Variants in CSMD1 observed in about 807,000 individuals in gnomAD.
CSMD1 encodes CUB and sushi domain-containing protein 1.
Under a neutral mutation model 417.5 loss-of-function variants are expected in CSMD1, and 213 were observed. The observed-to-expected ratio is 0.51, with a 90% CI of 0.46 to 0.57. CSMD1 has a LOEUF of 0.57. Among genes scored for constraint, CSMD1 ranks in the 20% least tolerant of loss-of-function variants. CSMD1 has a pLI of 0.00. For synonymous variants in CSMD1, 2,862 were observed against 1,736.8 expected (o/e 1.65, Z -16.11); for missense variants, 6,923 against 4,529.7 (o/e 1.53, Z -15.17).
At chr8:4,750,224 G>C (rs1811224673) in intron 1 of CSMD1, among the ~76,000 whole-genome samples, 1 of 151,478 alleles carries the variant, frequency 6.6e-6, no homozygotes, top group African/African-American at 2.4e-5. Context: ...AGCCACGATG[G>C]TCTCGATCTC....
chr8:3,519,066 G>C (rs1013666486), intron 10 of CSMD1, among the ~76,000 whole-genome samples: 1 of 152,146 alleles, frequency 6.6e-6, no homozygotes, highest in Non-Finnish European at 1.5e-5. Flanking sequence ...CTTAAAACCA[G>C]AGTTAAGGAA....
chr8:4,006,193 C>A (rs1585119444), intron 4 of CSMD1, among the ~76,000 whole-genome samples: 1 of 152,226 alleles, frequency 6.6e-6, no homozygotes, highest in Middle Eastern at 3.4e-3. Context: ...CATTCTCATG[C>A]AGTTGCTGAG....
chr8:3,471,486 T>G (rs1440452212), intron 11 of CSMD1, among the ~76,000 whole-genome samples: 1 of 95,528 alleles, frequency 1.0e-5, no homozygotes, highest in Non-Finnish European at 2.7e-5. Context: ...GCTTAGTTCC[T>G]TCCTTCTTTC....
chr8:4,413,363 C>T lies in CSMD1; in HGVS notation c.415+6590G>A, dbSNP rs150824008. ...CAATTCTATCATTCATTCTTTTATC[C>T]GACACATTAGAAGTCACAGGTAGCA... On this transcript the variant is annotated intron_variant, in intron 3 of 69. Coordinates refer to ENST00000635120, the MANE Select transcript of CSMD1 (RefSeq NM_033225.6). Among the ~76,000 whole-genome samples, 46 of 152,196 alleles carry T rather than the reference C, an allele frequency of 3.0e-4. 1 individual carries two copies. Among genetic ancestry groups the T allele is most frequent in the Admixed American group, 2.7e-3 (41 of 15,280 alleles).
At chr8:4,864,809 T>G (rs527638511) in intron 1 of CSMD1, among the ~76,000 whole-genome samples, 1 of 151,592 alleles carries the variant, frequency 6.6e-6, no homozygotes, top group East Asian at 1.9e-4. Flanking sequence ...GTATTCTCTG[T>G]AATCTTTTCA....
rs1478827410 is a variant in CSMD1 at position 4,791,924 on chromosome 8, A to ATGTTTTTTTTGTTAGTTTTTT, written c.86-154367_86-154366insAAAAAACTAACAAAAAAAACA. Among the ~76,000 whole-genome samples the ATGTTTTTTTTGTTAGTTTTTT allele has an allele frequency of 1.5e-3, 233 of 151,208 alleles. 1 individual carries two copies. Among genetic ancestry groups the ATGTTTTTTTTGTTAGTTTTTT allele is most frequent in the African/African-American group, 5.5e-3 (224 of 40,956 alleles). Reference sequence around the variant, plus strand: ...CTTATTCGAAAAGGTAGATTAATTTAGTTTCTTTATGTTAGTTTTCCTTTT... The same window carrying ATGTTTTTTTTGTTAGTTTTTT: ...CTTATTCGAAAAGGTAGATTAATTTATGTTTTTTTTGTTAGTTTTTTGTTTCTTTATGTTAGTTTTCCTTTT... On this transcript the variant is annotated intron_variant, in intron 1 of 69. Transcript: ENST00000635120.
chr8:4,071,585 A>C (rs2130781112), intron 3 of CSMD1, among the ~76,000 whole-genome samples: 1 of 152,170 alleles, frequency 6.6e-6, no homozygotes, highest in East Asian at 1.9e-4. Context: ...TGTCCTATCA[A>C]GCTTGGTCTC....
At chr8:3,426,075 T>TA (rs1263933968) in intron 12 of CSMD1, among the ~76,000 whole-genome samples, 1 of 152,236 alleles carries the variant, frequency 6.6e-6, no homozygotes, top group Non-Finnish European at 1.5e-5. Context: ...TGTGAAAATG[T>TA]AAAAAAGCAG....
At chr8:4,722,694 A>T (rs1364524959) in intron 1 of CSMD1, among the ~76,000 whole-genome samples, 1 of 152,146 alleles carries the variant, frequency 6.6e-6, no homozygotes, top group Non-Finnish European at 1.5e-5. Context: ...TAATTTTTCT[A>T]ATTTGAATAT....
At chr8:3,344,031 T>G (rs373155942) in intron 22 of CSMD1, among the ~76,000 whole-genome samples, 1 of 152,180 alleles carries the variant, frequency 6.6e-6, no homozygotes, top group Non-Finnish European at 1.5e-5. Flanking sequence ...AAGTGTGATG[T>G]TGCTTAAAAT....
In CSMD1 at chr8:4,266,997, G is replaced by C. The variant is rs1250041876; in HGVS notation, c.415+152956C>G. On this transcript the variant is annotated intron_variant, in intron 3 of 69. Transcript: ENST00000635120. ...ACTTAAGAAGATAAAAATCACTTTT[G>C]TGATTTTTACAAAACAAAAGCATAA... is the stretch of plus-strand genomic sequence containing the variant. Among the ~76,000 whole-genome samples, 2 of 104,188 alleles carry C rather than the reference G, an allele frequency of 1.9e-5. 1 individual carries two copies. Among genetic ancestry groups the C allele is most frequent in the African/African-American group, 5.2e-5 (2 of 38,410 alleles). 68.4% of individuals were successfully genotyped at this position (104,188 alleles called of 152,430 possible).
chr8:4,961,234 T>G (rs75251276), intron 1 of CSMD1, among the ~76,000 whole-genome samples: 3,855 of 152,282 alleles, frequency 0.025, 161 homozygotes, highest in African/African-American at 0.088. Flanking sequence ...TCCCTAACAC[T>G]TCTGCAGTTA....
intron 1 of CSMD1, among the ~76,000 whole-genome samples, chr8:4,696,087 T>A (rs1205160742): frequency 1.3e-5 from 2 of 152,192 alleles, no homozygotes; most frequent in Non-Finnish European, 2.9e-5. Context: ...TGGTTCATGA[T>A]CAATCAACAG....
intron 3 of CSMD1, among the ~76,000 whole-genome samples, chr8:4,084,448 T>C (rs1163350504): frequency 2.6e-5 from 4 of 152,228 alleles, no homozygotes; most frequent in Admixed American, 2.0e-4. Flanking sequence ...CTTTACATGA[T>C]TTTGTTGTAA....
chr8:4,299,722 C>G (rs1030451724), intron 3 of CSMD1, among the ~76,000 whole-genome samples: 1 of 152,088 alleles, frequency 6.6e-6, no homozygotes, highest in East Asian at 1.9e-4. Flanking sequence ...CCCCTGACTC[C>G]CCATTTCAAG....
intron 4 of CSMD1, among the ~76,000 whole-genome samples, chr8:4,019,713 C>T (rs1353603052): frequency 6.6e-6 from 1 of 152,082 alleles, no homozygotes; most frequent in Non-Finnish European, 1.5e-5. Context: ...TATTTACATG[C>T]ACGTGGGTAT....
In CSMD1 at chr8:4,416,016, G is replaced by A. The variant is rs1456597752; in HGVS notation, c.415+3937C>T. The stretch of plus-strand genomic sequence containing the variant: ...TCACTTTCTCTACGTGATAATAATA[G>A]ATCACCTTATTTCACTTAGACAATT... On this transcript the variant is annotated intron_variant, in intron 3 of 69. Coordinates refer to ENST00000635120, the MANE Select transcript of CSMD1 (RefSeq NM_033225.6). Among the ~76,000 whole-genome samples, 7 of 152,224 alleles carry A rather than the reference G, an allele frequency of 4.6e-5. No homozygotes were observed. In the South Asian group the frequency reaches 6.2e-4, roughly 14 times the overall value.
At chr8:3,161,724 A>G (rs1460998420) in intron 38 of CSMD1, among the ~76,000 whole-genome samples, 1 of 151,056 alleles carries the variant, frequency 6.6e-6, no homozygotes, top group Non-Finnish European at 1.5e-5. Flanking sequence ...TAAATGTTTT[A>G]TTTTGGTGCC....
intron 3 of CSMD1, among the ~76,000 whole-genome samples, chr8:4,234,632 A>C (rs1399483249): frequency 6.6e-6 from 1 of 152,094 alleles, no homozygotes; most frequent in Non-Finnish European, 1.5e-5. Flanking sequence ...ATTCTAGGAC[A>C]TGGAAGATTG....
Sources: gnomAD v4.1 joint callset for allele counts (sites outside exome capture counted in the v4.1 genomes callset) on GRCh38, gnomAD v4.1.1 for gene constraint, MANE v1.5 for transcripts, NCBI Gene and HGNC (gene_info 2026-07-23, HGNC 2026-07-21) for gene names.